The following STK24 variants were observed in gnomAD, a reference collection of about 807,000 sequenced individuals.
The protein encoded by STK24 is serine/threonine kinase 24, also known as serine/threonine-protein kinase 24.
Under a neutral mutation model 55.6 loss-of-function variants are expected in STK24, and 21 were observed. The ratio of observed to expected loss-of-function variants is 0.38; its 90% CI spans 0.27 to 0.54. STK24 has a LOEUF of 0.54. STK24 is among the 20% of genes least tolerant of loss of function. The pLI, the probability that STK24 is intolerant of heterozygous loss-of-function variation, is 0.79. For missense variants in STK24, 383 were observed against 538.4 expected, an observed-to-expected ratio of 0.71 and a Z score of 2.86; for synonymous variants, 200 against 215.2, an observed-to-expected ratio of 0.93 and a Z score of 0.62.
intron 8 of STK24, 147 bp downstream of exon 8, chr13:98,461,627 C>G: frequency 9.2e-7 from 1 of 1,090,202 alleles, no homozygotes; most frequent in Non-Finnish European, 1.3e-6. Flanking sequence ...AACTAAAGCT[C>G]TTCATCTGCC....
chr13:98,537,405 G>A (rs1001689027), intron 1 of STK24, among the ~76,000 whole-genome samples: 5 of 152,204 alleles, frequency 3.3e-5, no homozygotes, highest in South Asian at 2.1e-4. Context: ...CACAGTGCCC[G>A]GCACACGGGA....
At chr13:98,545,340 G>A (rs1367024007) in intron 1 of STK24, among the ~76,000 whole-genome samples, 4 of 152,184 alleles carry the variant, frequency 2.6e-5, no homozygotes, top group East Asian at 1.9e-4. Context: ...ACGTACACAC[G>A]TGCAGATCAA....
intron 1 of STK24, among the ~76,000 whole-genome samples, chr13:98,552,159 A>G (rs530363932): frequency 1.3e-3 from 204 of 152,300 alleles, no homozygotes; most frequent in Non-Finnish European, 1.7e-3. Flanking sequence ...TTAGTCATGT[A>G]TTGATTCTAT....
intron 2 of STK24, among the ~76,000 whole-genome samples, chr13:98,517,528 G>A (rs150495767): frequency 6.6e-6 from 1 of 152,278 alleles, no homozygotes; most frequent in African/African-American, 2.4e-5. Context: ...TACTCAGGAG[G>A]CTGAGGCAGG....
rs545159068 is a variant in STK24, at chr13:98,452,116, T to C, written c.*1057A>G. On this transcript the variant is annotated 3_prime_UTR_variant, in exon 11 of 11. Coordinates refer to ENST00000539966, the MANE Select transcript of STK24 (RefSeq NM_001032296.4). ...CGCACGGCCACACATACACAGCAGG[T>C]GCCCTGTCCTCTGAAGAGTCACATT... 6.6e-6 allele frequency: 1 copy of C among 152,212 alleles called. No individual in the cohort carries two copies. Among genetic ancestry groups the C allele is most frequent in the South Asian group, 2.1e-4 (1 of 4,820 alleles). The allele number at this position is 152,212 out of a possible 1,614,324, so 9.4% of individuals were successfully genotyped here.
At chr13:98,574,391 G>T (rs1248717848) in intron 1 of STK24, among the ~76,000 whole-genome samples, 2 of 152,200 alleles carry the variant, frequency 1.3e-5, no homozygotes, top group Non-Finnish European at 2.9e-5. Context: ...AAGAGATACG[G>T]ACTTCTCTCC....
intron 3 of STK24, among the ~76,000 whole-genome samples, chr13:98,477,977 T>C (rs1459762087): frequency 6.6e-6 from 1 of 152,166 alleles, no homozygotes; most frequent in Admixed American, 6.5e-5. Context: ...CCATCCATCA[T>C]TGACTTATAT....
intron 1 of STK24, among the ~76,000 whole-genome samples, chr13:98,524,576 G>A (rs1166701472): frequency 2.6e-5 from 4 of 152,214 alleles, no homozygotes; most frequent in Non-Finnish European, 4.4e-5. Context: ...AGCCAGGCGG[G>A]TGGAAAAACC....
chr13:98,497,068 T>G (rs759888391), intron 2 of STK24, among the ~76,000 whole-genome samples: 128 of 152,200 alleles, frequency 8.4e-4, no homozygotes, highest in Non-Finnish European at 1.5e-3. Context: ...AGAGGCTAGG[T>G]GCCCAGCAGC....
intron 1 of STK24, among the ~76,000 whole-genome samples, chr13:98,569,413 C>CAAAAAAAAAAAAAAAAAAAAAAAAAA (rs11316359): frequency 7.9e-6 from 1 of 127,144 alleles, no homozygotes; most frequent in Non-Finnish European, 1.7e-5. Context: ...ACAGCAGAGA[C>CAAAAAAAAAAAAAAAAAAAAAAAAAA]AAAAAAAAAA....
chr13:98,556,522 A>AAACAAC (rs141949871), intron 1 of STK24, among the ~76,000 whole-genome samples: 2 of 104,690 alleles, frequency 1.9e-5, no homozygotes, highest in Middle Eastern at 4.6e-3. Context: ...TACAACTGAA[A>AAACAAC]AACAACAACA....
chr13:98,567,397 C>T lies in STK24; in HGVS notation c.42+9348G>A, dbSNP rs1443012592. ...TCCGCCCTGCCAAGAAGCACATACT[C>T]AATTCTGGACCAGGGGGTTGGAACC... On this transcript the variant is annotated intron_variant, in intron 1 of 10. Coordinates refer to ENST00000539966, the MANE Select transcript of STK24 (RefSeq NM_001032296.4). Among the ~76,000 whole-genome samples the T allele has an allele frequency of 3.9e-5, 6 of 152,336 alleles. No homozygotes were observed. In the South Asian group the frequency reaches 1.2e-3, roughly 32 times the overall value.
intron 10 of STK24, chr13:98,455,973 C>A (rs566901582): frequency 1.3e-5 from 2 of 152,446 alleles, no homozygotes; most frequent in East Asian, 3.9e-4. Flanking sequence ...TGTGTTCAGG[C>A]AAAAGATGGG....
At chr13:98,576,572 G>T (rs1362246898) in intron 1 of STK24, among the ~76,000 whole-genome samples, 173 bp downstream of exon 1, 1 of 151,952 alleles carries the variant, frequency 6.6e-6, no homozygotes, top group Non-Finnish European at 1.5e-5. Flanking sequence ...GCCGGAGCCG[G>T]CAGGGACGCC....
intron 1 of STK24, among the ~76,000 whole-genome samples, chr13:98,531,872 GGAGA>G (rs1316670796): frequency 3.9e-5 from 6 of 152,192 alleles, no homozygotes; most frequent in African/African-American, 1.4e-4. Context: ...CAGTGCATCA[GGAGA>G]AAGACGCTCG....
Position 98,510,978 on chromosome 13 carries a change from A to C in STK24, c.273+8265T>G, listed in dbSNP as rs867107747. ...TTTAGCTGGTAAGGCTATTCCGAAC[A>C]ACCACACGGTAGTATTTTTTCCTTA... is the stretch of plus-strand genomic sequence containing the variant. On this transcript the variant is annotated intron_variant, in intron 2 of 10. Coordinates refer to ENST00000539966, the MANE Select transcript of STK24 (RefSeq NM_001032296.4). Among the ~76,000 whole-genome samples, 3 of 152,342 alleles carry C rather than the reference A, an allele frequency of 2.0e-5. 1 individual carries two copies. The highest frequency in any genetic ancestry group is 6.8e-3 in the Middle Eastern group (2 of 294).
At chr13:98,484,605 G>A (rs1475575950) in intron 2 of STK24, among the ~76,000 whole-genome samples, 1 of 152,092 alleles carries the variant, frequency 6.6e-6, no homozygotes, top group Admixed American at 6.6e-5. Flanking sequence ...CCAAAGCTCC[G>A]CCCTCCTCAG....
intron 1 of STK24, chr13:98,521,695 G>A (rs1216657027): frequency 1.5e-5 from 11 of 740,348 alleles, no homozygotes; most frequent in African/African-American, 5.2e-5. Flanking sequence ...GGGAAGCAGC[G>A]CATCCTTTTT....
chr13:98,560,495 C>T (rs1440735757), intron 1 of STK24, among the ~76,000 whole-genome samples: 2 of 152,178 alleles, frequency 1.3e-5, no homozygotes, highest in East Asian at 3.8e-4. Flanking sequence ...ACTAAATCAA[C>T]AGGCTGAAAA....
Sources: allele counts gnomAD v4.1 joint callset (sites outside exome capture counted in the v4.1 genomes callset), GRCh38; gene constraint gnomAD v4.1.1; transcripts MANE v1.5; gene names NCBI Gene and HGNC (gene_info 2026-07-23, HGNC 2026-07-21).